The following FBXO25 variants were observed in gnomAD, a reference collection of about 807,000 sequenced individuals.
FBXO25 encodes the protein F-box protein 25.
In FBXO25, 45 loss-of-function variants were observed where a neutral mutation model predicts 51.9. That is an observed-to-expected ratio of 0.87 (90% CI 0.68 to 1.11). FBXO25 has a LOEUF of 1.11. FBXO25 is among the 50% of genes most tolerant of loss of function. FBXO25 has a pLI of 0.00. For synonymous variants in FBXO25, 199 were observed against 151.0 expected, an observed-to-expected ratio of 1.32 and a Z score of -2.33; for missense variants, 507 against 428.5, an observed-to-expected ratio of 1.18 and a Z score of -1.62.
At position 468,768 on chromosome 8, in the gene FBXO25, G is replaced by A. The variant is rs143403369; in HGVS notation, c.1041G>A (p.Val347=). ...AADPDSCFTP[V]SPQHFIDLFK... Reference sequence around the variant, plus strand: ...ACCCTGACAGCTGCTTCACGCCTGTGTCTCCGCAGCACTTCATCGACCTCT... The same window carrying A: ...ACCCTGACAGCTGCTTCACGCCTGTATCTCCGCAGCACTTCATCGACCTCT... The change falls in exon 10 of 10, where the codon GTG becomes GTA. Residue 347 remains valine, a synonymous_variant. Transcript: ENST00000350302. 256 of 1,614,010 alleles carry A rather than the reference G, an allele frequency of 1.6e-4. No homozygotes were observed. The African/African-American group carries it at 3.0e-3, about 19-fold the overall frequency.
intron 2 of FBXO25, among the ~76,000 whole-genome samples, chr8:422,499 G>A (rs1276124525): frequency 6.6e-6 from 1 of 152,168 alleles, no homozygotes; most frequent in African/African-American, 2.4e-5. Context: ...GGGCTCTGGT[G>A]GGTGGCCTGG....
chr8:472,212 C>T lies in FBXO25; in HGVS notation c.*3408C>T, dbSNP rs765297305. On this transcript the variant is annotated 3_prime_UTR_variant, in exon 10 of 10. Coordinates refer to ENST00000350302, the MANE Select transcript of FBXO25 (RefSeq NM_183420.2). Reference sequence around the variant, plus strand: ...GTTAACCCTGGGTTTTCCATACATACCCTCTATTAGGTTGGGGAGGTTCCC... The same window carrying T: ...GTTAACCCTGGGTTTTCCATACATATCCTCTATTAGGTTGGGGAGGTTCCC... 4 of 152,206 alleles carry T rather than the reference C, an allele frequency of 2.6e-5. No individual in the cohort carries two copies. Among genetic ancestry groups the T allele is most frequent in the Non-Finnish European group, 4.4e-5 (3 of 68,048 alleles). The allele number at this position is 152,206 out of a possible 1,614,324, so 9.4% of individuals were successfully genotyped here. A position where few individuals can be genotyped will look rare whatever the true frequency, so the allele number is the denominator to read the frequency against.
In FBXO25 at chr8:469,097, G is replaced by C. The variant is rs1167056965; in HGVS notation, c.*293G>C. On this transcript the variant is annotated 3_prime_UTR_variant, in exon 10 of 10. Coordinates refer to ENST00000350302, the MANE Select transcript of FBXO25 (RefSeq NM_183420.2). ...ATATAGTTCAAAAATACTTTAGGTG[G>C]TCAGCTCCACATTCTTTGTTGACGT... 6.8e-6 allele frequency: 2 copies of C among 293,864 alleles called. No individual in the cohort carries two copies. The highest frequency in any genetic ancestry group is 1.2e-4 in the East Asian group (2 of 16,306). The allele number at this position is 293,864 out of a possible 1,614,324, so 18.2% of individuals were successfully genotyped here.
chr8:467,830 C>G, intron 9 of FBXO25: 25 of 1,601,384 alleles, frequency 1.6e-5, no homozygotes, highest in Non-Finnish European at 2.1e-5. Context: ...ATCTTGGCCA[C>G]TGCCCGGCTC....
intron 5 of FBXO25, among the ~76,000 whole-genome samples, chr8:449,785 G>C (rs1287938881): frequency 6.6e-6 from 1 of 152,198 alleles, no homozygotes; most frequent in Non-Finnish European, 1.5e-5. Context: ...GCTGTAGGCT[G>C]CGGCTGCCTC....
chr8:428,440 C>G (rs1213536778), intron 2 of FBXO25, among the ~76,000 whole-genome samples: 2 of 151,932 alleles, frequency 1.3e-5, no homozygotes, highest in African/African-American at 4.8e-5. Context: ...CCGCCCCCAC[C>G]CCATCCCTCG....
rs555227229 is a variant in FBXO25, at chr8:428,203, G to T, written c.135-3138G>T. On this transcript the variant is annotated intron_variant, in intron 2 of 9. Transcript: ENST00000350302. The stretch of plus-strand genomic sequence containing the variant: ...TTGGAAAAGTGATTCCCTGTCCTTG[G>T]GATTGTCAGAGGAAACTTGGAATGT... Among the ~76,000 whole-genome samples the T allele has an allele frequency of 4.6e-5, 7 of 152,146 alleles. No homozygotes were observed. In the East Asian group the frequency reaches 1.2e-3, roughly 25 times the overall value.
chr8:468,222 TG>T, intron 9 of FBXO25: 1 of 1,009,836 alleles, frequency 9.9e-7, no homozygotes, highest in Admixed American at 5.6e-5. Flanking sequence ...GCAGGAGCCT[TG>T]GGGGCTGAGG....
At chr8:418,694 T>G (rs1267965387) in intron 2 of FBXO25, among the ~76,000 whole-genome samples, 1 of 152,168 alleles carries the variant, frequency 6.6e-6, no homozygotes, top group Non-Finnish European at 1.5e-5. Flanking sequence ...TTCCCCTGTT[T>G]ACACTTCTAA....
chr8:440,428 T>C (rs1798355495), intron 5 of FBXO25, among the ~76,000 whole-genome samples: 1 of 152,200 alleles, frequency 6.6e-6, no homozygotes, highest in Admixed American at 6.5e-5. Flanking sequence ...AGAGATGGGC[T>C]GAAGGTCACA....
rs149272854 is a variant in FBXO25, at chr8:436,401, T to C, written c.381+694T>C. The stretch of plus-strand genomic sequence containing the variant: ...GACATTGGAAAAATGTTGCTTTTAA[T>C]TGCTTTTAGGCATTTAAAAGTGCTA... On this transcript the variant is annotated intron_variant, in intron 5 of 9. Transcript: ENST00000350302. Among the ~76,000 whole-genome samples the C allele has an allele frequency of 7.9e-3, 1,205 of 152,360 alleles. 11 individuals are homozygous for C. Among genetic ancestry groups the C allele is most frequent in the African/African-American group, 0.027 (1,143 of 41,584 alleles).
intron 8 of FBXO25, 56 bp downstream of exon 8, chr8:458,607 G>T (rs1172258470): frequency 1.3e-6 from 2 of 1,554,504 alleles, no homozygotes; most frequent in Non-Finnish European, 1.8e-6. Flanking sequence ...CTCTGCCTGG[G>T]GGCCATACCC....
In FBXO25 at chr8:458,443, C is replaced by G. The variant is rs111775812; in HGVS notation, c.735C>G (p.Asp245Glu). Residue 245 changes from aspartate (D) to glutamate (E), a missense_variant, in exon 8 of 10, where the codon GAC becomes GAG. Asp to Glu is a conservative substitution (Grantham distance 45, BLOSUM62 2). Transcript: ENST00000350302. ...MLNNILYRFSDGWDIITLGQV... is the reference protein window; with the variant it reads ...MLNNILYRFSEGWDIITLGQV... ...ACAACATCCTATACCGGTTCTCAGA[C>G]GGATGGGACATCATCACCTTAGGCC... The G allele has an allele frequency of 5.0e-6, 8 of 1,614,080 alleles. No individual in the cohort carries two copies. Among genetic ancestry groups the G allele is most frequent in the African/African-American group, 2.7e-5 (2 of 74,932 alleles).
At chr8:466,065 G>T (rs919617830) in intron 9 of FBXO25, among the ~76,000 whole-genome samples, 14 of 152,190 alleles carry the variant, frequency 9.2e-5, no homozygotes, top group Non-Finnish European at 1.9e-4. Flanking sequence ...TGTAGCTACA[G>T]TGAGTGGTCC....
intron 2 of FBXO25, among the ~76,000 whole-genome samples, chr8:422,118 A>G (rs1379466523): frequency 2.6e-5 from 4 of 152,224 alleles, no homozygotes; most frequent in Non-Finnish European, 4.4e-5. Flanking sequence ...CTAACAGGTA[A>G]AAGAATTAGG....
chr8:462,938 G>A (rs997614171), intron 8 of FBXO25, 69 bp from the exon 9 acceptor site: 36 of 1,520,036 alleles, frequency 2.4e-5, no homozygotes, highest in African/African-American at 5.6e-5. Flanking sequence ...AAATGAAAAA[G>A]TTTTACACCT....
chr8:450,941 T>C (rs1799043822), intron 6 of FBXO25: 1 of 215,036 alleles, frequency 4.7e-6, no homozygotes, highest in Admixed American at 5.7e-5. Context: ...CAGCCCCTGG[T>C]AATTATCATT....
chr8:468,752 G>C lies in FBXO25; in HGVS notation c.1025G>C (p.Ser342Thr). 3 of 1,614,050 alleles carry C rather than the reference G, an allele frequency of 1.9e-6. No homozygotes were observed. The highest frequency in any genetic ancestry group is 2.5e-6 in the Non-Finnish European group (3 of 1,180,018). ...GHPCTAADPDSCFTPVSPQHF... is the reference protein window; with the variant it reads ...GHPCTAADPDTCFTPVSPQHF... ...CCCTGCACGGCGGCCGACCCTGACA[G>C]CTGCTTCACGCCTGTGTCTCCGCAG... is the stretch of plus-strand genomic sequence containing the variant. The change falls in exon 10 of 10, where the codon AGC (serine) becomes ACC (threonine). Residue 342 changes from serine (S) to threonine (T), a missense_variant. Ser to Thr is a moderately conservative substitution (Grantham distance 58, BLOSUM62 1). Transcript: ENST00000350302.
chr8:435,274 T>C (rs1798037259), intron 4 of FBXO25, among the ~76,000 whole-genome samples: 1 of 152,170 alleles, frequency 6.6e-6, no homozygotes, highest in Non-Finnish European at 1.5e-5. Context: ...TAGCCTAGAA[T>C]GAATCCAGTT....
Sources: allele counts gnomAD v4.1 joint callset (sites outside exome capture counted in the v4.1 genomes callset), GRCh38; gene constraint gnomAD v4.1.1; transcripts MANE v1.5; gene names NCBI Gene and HGNC (gene_info 2026-07-23, HGNC 2026-07-21).